Variants in ZNF596 observed in about 807,000 individuals in gnomAD.
The protein encoded by ZNF596 is zinc finger protein 596.
ZNF596 carries 45 observed loss-of-function variants against 48.3 expected under a neutral mutation model. The observed-to-expected ratio is 0.93, with a 90% CI of 0.73 to 1.19. The LOEUF (loss-of-function observed/expected upper bound fraction) is 1.19, where lower values mean the gene tolerates loss of function less well. Ranked by LOEUF, ZNF596 falls within the 50% of genes most tolerant of loss-of-function variation. ZNF596 has a pLI of 0.00. For synonymous variants in ZNF596, 270 were observed against 202.0 expected, an observed-to-expected ratio of 1.34 and a Z score of -2.85; for missense variants, 848 against 599.7, an observed-to-expected ratio of 1.41 and a Z score of -4.32.
Position 245,452 on chromosome 8 carries a change from A to G in ZNF596, c.605A>G (p.Lys202Arg). The G allele has an allele frequency of 6.2e-7, 1 of 1,614,198 alleles. No homozygotes were observed. Among genetic ancestry groups the G allele is most frequent in the Middle Eastern group, 1.6e-4 (1 of 6,062 alleles). Residue 202 changes from lysine to arginine, a missense_variant, in exon 6 of 6, where the codon AAA (lysine) becomes AGA (arginine). Transcript: ENST00000398612. ...ACATTGGAATGTCGTGTGTGTGGGA[A>G]AACCTTTAGCAAAAATTCTAATCTT... ...EITLECRVCGKTFSKNSNLRR... is the reference protein window; with the variant it reads ...EITLECRVCGRTFSKNSNLRR...
intron 1 of ZNF596, 97 bp downstream of exon 1, chr8:232,791 C>A (rs1399023472): frequency 4.6e-6 from 2 of 433,166 alleles, no homozygotes; most frequent in Non-Finnish European, 9.5e-6. Context: ...GCCAGTCCTC[C>A]CTGAGATGCT....
At chr8:241,040 C>T (rs977638965) in intron 2 of ZNF596, 133 bp downstream of exon 2, 9 of 1,130,582 alleles carry the variant, frequency 8.0e-6, no homozygotes, top group Middle Eastern at 2.0e-4. Context: ...CCCAGGGCTT[C>T]GGAATGTTTA....
At position 246,293 on chromosome 8, in the gene ZNF596, A is replaced by T. The variant is rs770227245; in HGVS notation, c.1446A>T (p.Lys482Asn). ...CATATGTATGTCCTCTATGTGGGAAAGCCTTTAGTAAATTTTTTAACCTTA... is the reference window on the plus strand; with the variant it reads ...CATATGTATGTCCTCTATGTGGGAATGCCTTTAGTAAATTTTTTAACCTTA... The part of the protein sequence containing the change: ...EKPYVCPLCG[K>N]AFSKFFNLRQ... The change falls in exon 6 of 6, where the codon AAA becomes AAT. Residue 482 changes from lysine to asparagine, a missense_variant. Coordinates refer to ENST00000398612, the MANE Select transcript of ZNF596 (RefSeq NM_001042416.3). 9.3e-6 allele frequency: 15 copies of T among 1,606,976 alleles called. No individual in the cohort carries two copies. The highest frequency in any genetic ancestry group is 8.5e-7 in the Non-Finnish European group (1 of 1,178,134).
chr8:240,579 C>T (rs1330141930), intron 1 of ZNF596: 8 of 344,156 alleles, frequency 2.3e-5, no homozygotes, highest in African/African-American at 4.2e-5. Context: ...GAATTCCATG[C>T]GCTAGGTGGC....
At chr8:243,066 C>T (rs1326577218) in intron 3 of ZNF596, 53 bp downstream of exon 3, 2 of 1,510,916 alleles carry the variant, frequency 1.3e-6, no homozygotes, top group Non-Finnish European at 1.8e-6. Context: ...TTCACTCACT[C>T]ATTTTTCACT....
Position 245,575 on chromosome 8 carries a change from G to C in ZNF596, c.728G>C (p.Arg243Thr), listed in dbSNP as rs768732532. The change falls in exon 6 of 6, where the codon AGA (arginine) becomes ACA (threonine). Residue 243 changes from arginine (R) to threonine (T), a missense_variant. By Grantham distance (71) the Arg-to-Thr change is moderately conservative. Transcript: ENST00000398612. ...THCSDLRKHE[R>T]THTGEKPYGC... ...TGCTCTGATCTTCGAAAACATGAGA[G>C]AACTCACACTGGAGAGAAGCCATAT... 46 of 1,613,990 alleles carry C rather than the reference G, an allele frequency of 2.9e-5. No individual in the cohort carries two copies. Among genetic ancestry groups the C allele is most frequent in the Non-Finnish European group, 3.7e-5 (44 of 1,180,006 alleles).
At chr8:237,461 A>G (rs1037886565) in intron 1 of ZNF596, 11 of 152,326 alleles carry the variant, frequency 7.2e-5, no homozygotes, top group East Asian at 3.9e-4. Flanking sequence ...TGTAGCCCCA[A>G]TTCCATGGTT....
intron 2 of ZNF596, 85 bp downstream of exon 2, chr8:240,992 C>G (rs1796831383): frequency 6.0e-6 from 9 of 1,493,056 alleles, no homozygotes; most frequent in Non-Finnish European, 7.5e-6. Context: ...CATGGATGTT[C>G]TAAGTGCACT....
chr8:241,350 G>T (rs1288692404), intron 2 of ZNF596, among the ~76,000 whole-genome samples: 1 of 152,158 alleles, frequency 6.6e-6, no homozygotes, highest in East Asian at 1.9e-4. Context: ...AGGTGTTAGG[G>T]GAGGGCTGTT....
chr8:234,742 C>CT (rs1245126630), intron 1 of ZNF596: 6 of 152,196 alleles, frequency 3.9e-5, no homozygotes, highest in African/African-American at 1.4e-4. Context: ...CGCTATCACA[C>CT]TGTGACCCAG....
intron 1 of ZNF596, among the ~76,000 whole-genome samples, chr8:238,431 T>C (rs749392474): frequency 6.6e-5 from 10 of 151,880 alleles, no homozygotes; most frequent in African/African-American, 1.9e-4. Context: ...CTGGGAGATA[T>C]TGCACAACCT....
At chr8:232,879 G>A in intron 1 of ZNF596, 185 bp downstream of exon 1, 1 of 465,466 alleles carries the variant, frequency 2.1e-6, no homozygotes, top group Non-Finnish European at 4.5e-6. Flanking sequence ...ACAGGACCCT[G>A]AGTCCGAGAC....
chr8:243,471 C>A, intron 3 of ZNF596: 1 of 388,806 alleles, frequency 2.6e-6, no homozygotes, highest in Non-Finnish European at 4.7e-6. Context: ...AGTGAAAACA[C>A]TGAGGATTCT....
chr8:232,670 C>G lies in ZNF596; in HGVS notation c.-97C>G. Reference sequence around the variant, plus strand: ...CCACCCTAGTTCTCTTCACCGTCCGCCCATCCTATCGCGCGCGGCCTCAGG... The same window carrying G: ...CCACCCTAGTTCTCTTCACCGTCCGGCCATCCTATCGCGCGCGGCCTCAGG... On this transcript the variant is annotated 5_prime_UTR_variant, in exon 1 of 6. Coordinates refer to ENST00000398612, the MANE Select transcript of ZNF596 (RefSeq NM_001042416.3). 2.7e-6 allele frequency: 1 copy of G among 377,226 alleles called. No individual in the cohort carries two copies. 23.4% of individuals were successfully genotyped at this position (377,226 alleles called of 1,614,324 possible). A position where few individuals can be genotyped will look rare whatever the true frequency, so the allele number is the denominator to read the frequency against.
chr8:235,425 G>A (rs1053174860), intron 1 of ZNF596, among the ~76,000 whole-genome samples: 10 of 151,592 alleles, frequency 6.6e-5, no homozygotes, highest in African/African-American at 2.2e-4. Flanking sequence ...ATACTCTTAT[G>A]TACCACATAA....
chr8:232,634 G>A lies in ZNF596; in HGVS notation c.-133G>A. ...CGGTTCCGTCACTGAGGTCGCCCCT[G>A]TCCGGCCCTTCCACCCTAGTTCTCT... On this transcript the variant is annotated 5_prime_UTR_variant, in exon 1 of 6. Coordinates refer to ENST00000398612, the MANE Select transcript of ZNF596 (RefSeq NM_001042416.3). 5.7e-6 allele frequency: 2 copies of A among 353,504 alleles called. No homozygotes were observed. Among genetic ancestry groups the A allele is most frequent in the East Asian group, 8.6e-5 (1 of 11,580 alleles). 21.9% of individuals were successfully genotyped at this position (353,504 alleles called of 1,614,324 possible).
Position 245,164 on chromosome 8 carries a change from C to T in ZNF596, c.317C>T (p.Thr106Ile), listed in dbSNP as rs778615779. The change falls in exon 6 of 6, where the codon ACT becomes ATT. Residue 106 changes from threonine (T) to isoleucine (I), a missense_variant. Physicochemically the swap from Thr to Ile is moderately conservative, Grantham distance 89 (BLOSUM62 -1). Coordinates refer to ENST00000398612, the MANE Select transcript of ZNF596 (RefSeq NM_001042416.3). ...CATTCCCAAAACCAGAGATCTCATA[C>T]TCAAGAGGATCCTTTTCTATGCAAT... The part of the protein sequence containing the change: ...TSTISTMRSH[T>I]QEDPFLCNDL... 5 of 1,587,836 alleles carry T rather than the reference C, an allele frequency of 3.1e-6. No homozygotes were observed. The highest frequency in any genetic ancestry group is 3.4e-6 in the Non-Finnish European group (4 of 1,166,790).
chr8:245,684 G>A lies in ZNF596; in HGVS notation c.837G>A (p.Gln279=). 1 of 1,613,434 alleles carries A rather than the reference G, an allele frequency of 6.2e-7. No homozygotes were observed. Residue 279 remains glutamine, a synonymous_variant, in exon 6 of 6, where the codon CAG becomes CAA. Coordinates refer to ENST00000398612, the MANE Select transcript of ZNF596 (RefSeq NM_001042416.3). The part of the protein sequence containing the change: ...HEMIHTREKA[Q]ICHLCGKAFT... ...TGATTCACACTAGAGAAAAAGCACA[G>A]ATATGCCATCTATGTGGGAAAGCCT...
chr8:239,663 TC>T (rs1796767867), intron 1 of ZNF596, among the ~76,000 whole-genome samples: 1 of 152,082 alleles, frequency 6.6e-6, no homozygotes, highest in South Asian at 2.1e-4. Flanking sequence ...GTTTAGGAGG[TC>T]TGTCTCCAAG....
Sources: gnomAD v4.1 joint callset for allele counts (sites outside exome capture counted in the v4.1 genomes callset) on GRCh38, gnomAD v4.1.1 for gene constraint, MANE v1.5 for transcripts, NCBI Gene and HGNC (gene_info 2026-07-23, HGNC 2026-07-21) for gene names.